The following CUL5 variants were observed in gnomAD, a reference collection of about 807,000 sequenced individuals.
CUL5 encodes cullin-5.
CUL5 carries 26 observed loss-of-function variants against 108.8 expected under a neutral mutation model. The observed-to-expected ratio is 0.24, with a 90% CI of 0.18 to 0.33. CUL5 has a LOEUF of 0.33. Among genes scored for constraint, CUL5 ranks in the 10% least tolerant of loss-of-function variants. CUL5 has a pLI of 1.00. For synonymous variants in CUL5, 334 were observed against 298.0 expected, an observed-to-expected ratio of 1.12 and a Z score of -1.25; for missense variants, 524 against 909.2, an observed-to-expected ratio of 0.58 and a Z score of 5.45.
chr11:108,075,860 C>T (rs1032309278), intron 10 of CUL5, among the ~76,000 whole-genome samples: 76 of 152,202 alleles, frequency 5.0e-4, no homozygotes, highest in African/African-American at 1.7e-3. Flanking sequence ...ACTCTTCACC[C>T]GCACTGATGT....
At chr11:108,097,221 G>T (rs960091512) in intron 16 of CUL5, among the ~76,000 whole-genome samples, 6 of 152,172 alleles carry the variant, frequency 3.9e-5, no homozygotes, top group Non-Finnish European at 8.8e-5. Context: ...TTGCCGTGTT[G>T]CCCAGGCTGG....
chr11:108,067,392 G>C (rs539268424), intron 7 of CUL5, among the ~76,000 whole-genome samples: 1 of 152,016 alleles, frequency 6.6e-6, no homozygotes, highest in Admixed American at 6.6e-5. Context: ...TTTAATCCTC[G>C]TTGTAACCCA....
At chr11:108,082,120 T>G (rs1048355931) in intron 11 of CUL5, among the ~76,000 whole-genome samples, 1 of 152,208 alleles carries the variant, frequency 6.6e-6, no homozygotes, top group African/African-American at 2.4e-5. Context: ...TTTACAGCTT[T>G]CAGTGTACAA....
At chr11:108,074,190 A>ATTTTTTTTTTTTTTTTTTTTTT (rs34367275) in intron 10 of CUL5, 1 of 118,156 alleles carries the variant, frequency 8.5e-6, no homozygotes, top group African/African-American at 3.4e-5. Context: ...GTCTATTTTA[A>ATTTTTTTTTTTTTTTTTTTTTT]TTTTTTTTTT....
chr11:108,104,039 A>G (rs1266255799), intron 18 of CUL5, 151 bp from the exon 19 acceptor site: 4 of 546,684 alleles, frequency 7.3e-6, no homozygotes, highest in African/African-American at 2.0e-5. Context: ...AGTAAAAGAT[A>G]CTAGTCTCAA....
intron 10 of CUL5, among the ~76,000 whole-genome samples, chr11:108,077,642 A>AAT (rs1402611457): frequency 6.6e-6 from 1 of 151,330 alleles, no homozygotes; most frequent in Non-Finnish European, 1.5e-5. Context: ...AAAAAAAAAA[A>AAT]AGAAAAAAAA....
chr11:108,047,946 T>C (rs1479528498), intron 3 of CUL5, among the ~76,000 whole-genome samples: 1 of 151,984 alleles, frequency 6.6e-6, no homozygotes. Flanking sequence ...CAAAAAAAAG[T>C]AGGGGAGGGT....
intron 7 of CUL5, among the ~76,000 whole-genome samples, chr11:108,067,190 A>G (rs1185330453): frequency 2.0e-5 from 3 of 152,234 alleles, no homozygotes; most frequent in African/African-American, 7.2e-5. Context: ...AATGAGATCT[A>G]TATGTAAAGC....
chr11:108,034,021 G>T, intron 2 of CUL5, 110 bp downstream of exon 2: 1 of 674,630 alleles, frequency 1.5e-6, no homozygotes, highest in Non-Finnish European at 2.6e-6. Flanking sequence ...CTATTAAAAA[G>T]TATTACTAGT....
chr11:108,076,516 A>G (rs1244615502), intron 10 of CUL5, among the ~76,000 whole-genome samples: 1 of 151,848 alleles, frequency 6.6e-6, no homozygotes, highest in Admixed American at 6.6e-5. Context: ...TTTAGGTTCT[A>G]CCTATAAGTG....
chr11:108,010,621 ATTAG>A (rs1490858885), intron 1 of CUL5, among the ~76,000 whole-genome samples: 3 of 152,240 alleles, frequency 2.0e-5, no homozygotes, highest in African/African-American at 7.2e-5. Flanking sequence ...TGAAGATTAA[ATTAG>A]TTAATATATC....
chr11:108,056,210 G>A (rs1426095281), intron 7 of CUL5, among the ~76,000 whole-genome samples: 2 of 152,168 alleles, frequency 1.3e-5, no homozygotes, highest in Non-Finnish European at 2.9e-5. Flanking sequence ...TCTTGGAATT[G>A]TTGAAACACA....
intron 1 of CUL5, among the ~76,000 whole-genome samples, chr11:108,013,507 G>A (rs1010638652): frequency 6.6e-6 from 1 of 151,998 alleles, no homozygotes; most frequent in Admixed American, 6.6e-5. Context: ...TCATACATGT[G>A]TGCGTACACA....
chr11:108,023,647 T>A (rs557321826), intron 1 of CUL5, among the ~76,000 whole-genome samples: 7 of 152,330 alleles, frequency 4.6e-5, no homozygotes, highest in African/African-American at 1.4e-4. Flanking sequence ...TTTTCATTTA[T>A]GTGCCCCAAT....
chr11:108,097,581 C>A, intron 16 of CUL5, 55 bp from the exon 17 acceptor site: 2 of 959,364 alleles, frequency 2.1e-6, no homozygotes, highest in Non-Finnish European at 3.3e-6. Context: ...GAGAATTGAT[C>A]TTAGTATTCC....
intron 7 of CUL5, among the ~76,000 whole-genome samples, chr11:108,064,108 C>A (rs1863616162): frequency 6.6e-6 from 1 of 152,148 alleles, no homozygotes; most frequent in South Asian, 2.1e-4. Flanking sequence ...TGTTTGAGAT[C>A]TTAGAAGAAA....
chr11:108,040,677 C>T (rs1565241541), intron 2 of CUL5, among the ~76,000 whole-genome samples: 1 of 149,922 alleles, frequency 6.7e-6, no homozygotes, highest in Non-Finnish European at 1.5e-5. Flanking sequence ...CCCAACTACT[C>T]AGGAGGCTGA....
rs140352337 is a variant in CUL5, at chr11:108,030,041, T to A, written c.25-3761T>A. Among the ~76,000 whole-genome samples, 421 of 152,332 alleles carry A rather than the reference T, an allele frequency of 2.8e-3. 1 individual carries two copies. Among genetic ancestry groups the A allele is most frequent in the African/African-American group, 9.6e-3 (400 of 41,568 alleles). ...TGTTCTTTCTATGGTTCTTTCATAT[T>A]TGTTTATTTGCACACCTCTTCCTCA... On this transcript the variant is annotated intron_variant, in intron 1 of 18. Coordinates refer to ENST00000393094, the MANE Select transcript of CUL5 (RefSeq NM_003478.6).
chr11:108,085,902 A>G (rs139413804), intron 11 of CUL5, among the ~76,000 whole-genome samples: 3 of 152,328 alleles, frequency 2.0e-5, no homozygotes, highest in East Asian at 3.9e-4. Flanking sequence ...CCCTCTGAAT[A>G]TACTTTAAAA....
Sources: allele counts gnomAD v4.1 joint callset (sites outside exome capture counted in the v4.1 genomes callset), GRCh38; gene constraint gnomAD v4.1.1; transcripts MANE v1.5; gene names NCBI Gene and HGNC (gene_info 2026-07-23, HGNC 2026-07-21).